ZSCAN5A: variants seen among roughly 807,000 people sequenced by gnomAD.
ZSCAN5A encodes zinc finger and SCAN domain containing 5A.
A neutral mutation model predicts 23.7 loss-of-function variants in ZSCAN5A; 12 were observed. The ratio of observed to expected loss-of-function variants is 0.51; its 90% CI spans 0.32 to 0.82. ZSCAN5A has a LOEUF of 0.82. ZSCAN5A is among the 40% of genes least tolerant of loss of function. ZSCAN5A has a pLI of 0.03. For missense variants in ZSCAN5A, 597 were observed against 617.9 expected, an observed-to-expected ratio of 0.97 and a Z score of 0.36; for synonymous variants, 257 against 239.9, an observed-to-expected ratio of 1.07 and a Z score of -0.66.
At chr19:56,295,231 C>T (rs763965714) in intron 2 of ZSCAN5A, 11 of 152,044 alleles carry the variant, frequency 7.2e-5, no homozygotes, top group African/African-American at 9.7e-5. Flanking sequence ...AAAACAACAA[C>T]GGGTGGTGGG....
intron 2 of ZSCAN5A, among the ~76,000 whole-genome samples, chr19:56,302,471 CCCTT>C (rs2040324607): frequency 6.9e-6 from 1 of 145,840 alleles, no homozygotes; most frequent in African/African-American, 2.6e-5. Context: ...CTTCCTCCCT[CCCTT>C]CTTCCTTCCC....
chr19:56,316,454 TTAAC>T (rs1373915303), upstream of ZSCAN5A: 4 of 152,588 alleles, frequency 2.6e-5, no homozygotes, highest in East Asian at 1.9e-4. Flanking sequence ...TGAGAAGTAA[TTAAC>T]TATTTTATGG....
At chr19:56,263,972 CTT>C (rs35570967) in intron 2 of ZSCAN5A, among the ~76,000 whole-genome samples, 4 of 140,312 alleles carry the variant, frequency 2.9e-5, no homozygotes, top group Non-Finnish European at 3.1e-5. Context: ...CCAAGAAAAA[CTT>C]TTTTTTTTTT....
At chr19:56,223,091 T>C (rs955934190) in intron 4 of ZSCAN5A, among the ~76,000 whole-genome samples, 1 of 152,114 alleles carries the variant, frequency 6.6e-6, no homozygotes, top group East Asian at 1.9e-4. Flanking sequence ...ACCACTGGCA[T>C]TGGGGCTGCA....
In ZSCAN5A at chr19:56,287,015, A is replaced by G. The variant is rs147192679; in HGVS notation, c.-128+26268T>C. The stretch of plus-strand genomic sequence containing the variant: ...TTGTGAGATTATGATAAAATGCCAG[A>G]AACACTCAGATATTAGGGAGCTGGT... On this transcript the variant is annotated intron_variant, in intron 2 of 5. Transcript: ENST00000683990. Among the ~76,000 whole-genome samples the G allele has an allele frequency of 1.5e-3, 229 of 152,380 alleles. 4 individuals carry two copies. The South Asian group carries it at 0.033, about 22-fold the overall frequency.
At chr19:56,269,393 A>T (rs929135167) in intron 2 of ZSCAN5A, among the ~76,000 whole-genome samples, 3 of 152,218 alleles carry the variant, frequency 2.0e-5, no homozygotes, top group South Asian at 2.1e-4. Flanking sequence ...TAGTCAATTG[A>T]GCAAGTTTAT....
chr19:56,247,426 C>T (rs897033088), intron 2 of ZSCAN5A: 9 of 172,472 alleles, frequency 5.2e-5, no homozygotes, highest in Middle Eastern at 5.0e-4. Context: ...AGCCTTTCGT[C>T]GGCCTGAAAC....
chr19:56,303,829 A>C (rs1600241143), intron 2 of ZSCAN5A, among the ~76,000 whole-genome samples: 1 of 26,240 alleles, frequency 3.8e-5, no homozygotes, highest in South Asian at 8.0e-4. Context: ...GTCTGGACAT[A>C]AGAGATGAGA....
chr19:56,312,357 G>A (rs969006103), intron 2 of ZSCAN5A: 4 of 152,256 alleles, frequency 2.6e-5, no homozygotes, highest in East Asian at 1.9e-4. Context: ...GTCAGTTCCT[G>A]CCCATAATCC....
chr19:56,315,119 C>T (rs544258143), upstream of ZSCAN5A: 2 of 152,352 alleles, frequency 1.3e-5, no homozygotes, highest in Non-Finnish European at 2.9e-5. Context: ...ACCCAGAAGT[C>T]TCTGGGAGTC....
At chr19:56,321,562 C>T in intron 2 of ZSCAN5A, 1 of 762,850 alleles carries the variant, frequency 1.3e-6, no homozygotes, top group Non-Finnish European at 2.4e-6. Context: ...TAAGCAAGCT[C>T]ACTACCTCCC....
intron 2 of ZSCAN5A, chr19:56,320,614 A>G (rs1399837673): frequency 6.2e-6 from 4 of 642,944 alleles, no homozygotes; most frequent in Non-Finnish European, 1.1e-5. Flanking sequence ...TTCTGTCTCA[A>G]AAATAATAAT....
chr19:56,343,970 TAC>T (rs1442488785), intron 2 of ZSCAN5A, among the ~76,000 whole-genome samples: 5 of 152,250 alleles, frequency 3.3e-5, no homozygotes, highest in Non-Finnish European at 2.9e-5. Context: ...CAATTTTATC[TAC>T]AAGTATTCAT....
chr19:56,304,901 C>T, intron 2 of ZSCAN5A: 1 of 585,014 alleles, frequency 1.7e-6, no homozygotes, highest in African/African-American at 2.0e-5. Flanking sequence ...TCCCAACTGC[C>T]TGGCATTTGA....
intron 2 of ZSCAN5A, among the ~76,000 whole-genome samples, chr19:56,330,871 T>A (rs1330796737): frequency 6.6e-6 from 1 of 152,134 alleles, no homozygotes; most frequent in African/African-American, 2.4e-5. Flanking sequence ...TAGTAATAAA[T>A]TTTTTTCCAA....
chr19:56,258,062 G>A (rs540801928), intron 2 of ZSCAN5A, among the ~76,000 whole-genome samples: 4 of 118,036 alleles, frequency 3.4e-5, no homozygotes, highest in South Asian at 2.8e-4. Context: ...CACAGGCGCC[G>A]GGAGACTCTG....
At chr19:56,326,801 C>T (rs533205911) in intron 2 of ZSCAN5A, among the ~76,000 whole-genome samples, 8 of 152,226 alleles carry the variant, frequency 5.3e-5, no homozygotes, top group South Asian at 4.1e-4. Flanking sequence ...CATATTGATG[C>T]GCTGCTCATA....
chr19:56,325,399 A>C (rs2041423121), intron 2 of ZSCAN5A, among the ~76,000 whole-genome samples: 1 of 152,116 alleles, frequency 6.6e-6, no homozygotes, highest in Non-Finnish European at 1.5e-5. Context: ...ACACAGCCAA[A>C]CCATATCAAT....
At chr19:56,261,598 G>C (rs567708036) in intron 2 of ZSCAN5A, among the ~76,000 whole-genome samples, 4 of 152,226 alleles carry the variant, frequency 2.6e-5, no homozygotes, top group Admixed American at 6.5e-5. Flanking sequence ...AGATCCAGGA[G>C]CAAATTGAGA....
Sources: gnomAD v4.1 joint callset for allele counts (sites outside exome capture counted in the v4.1 genomes callset) on GRCh38, gnomAD v4.1.1 for gene constraint, MANE v1.5 for transcripts, NCBI Gene and HGNC (gene_info 2026-07-23, HGNC 2026-07-21) for gene names.